The following TTLL5 variants were observed in gnomAD, a reference collection of about 807,000 sequenced individuals.
TTLL5 encodes tubulin tyrosine ligase like 5.
TTLL5 carries 132 observed loss-of-function variants against 168.4 expected under a neutral mutation model. That is an observed-to-expected ratio of 0.78 (90% confidence interval 0.68 to 0.91). The LOEUF is 0.91. Among genes scored for constraint, TTLL5 ranks in the 40% least tolerant of loss-of-function variants. TTLL5 has a pLI of 0.00. For synonymous variants in TTLL5, 546 were observed against 558.6 expected, an observed-to-expected ratio of 0.98 and a Z score of 0.32; for missense variants, 1,545 against 1,581.5, an observed-to-expected ratio of 0.98 and a Z score of 0.39.
chr14:75,919,589 A>T (rs2033750853), intron 31 of TTLL5, among the ~76,000 whole-genome samples: 1 of 151,832 alleles, frequency 6.6e-6, no homozygotes, highest in Admixed American at 6.6e-5. Flanking sequence ...AAAACAGTGA[A>T]GTTGGACCCC....
chr14:75,815,452 GTTGT>G (rs1894338483), intron 27 of TTLL5, among the ~76,000 whole-genome samples: 2 of 152,190 alleles, frequency 1.3e-5, no homozygotes, highest in South Asian at 4.1e-4. Context: ...ATCAGGAATG[GTTGT>G]TATGTGAATA....
chr14:75,713,954 AT>A (rs879749079), intron 9 of TTLL5, among the ~76,000 whole-genome samples: 292 of 145,246 alleles, frequency 2.0e-3, no homozygotes, highest in Middle Eastern at 7.1e-3. Flanking sequence ...TTGTCCTAAG[AT>A]TTTTTTTTTT....
At chr14:75,873,517 A>G (rs1015500818) in intron 29 of TTLL5, among the ~76,000 whole-genome samples, 2 of 152,182 alleles carry the variant, frequency 1.3e-5, no homozygotes, top group Non-Finnish European at 1.5e-5. Context: ...TGATTTTGTC[A>G]TTAGATTCTT....
rs751047559 is a variant in TTLL5 at position 75,681,587 on chromosome 14, G to A, written c.224G>A (p.Arg75His). The change falls in exon 4 of 32, where the codon CGC (arginine) becomes CAC (histidine). Residue 75 changes from arginine (R) to histidine (H), a missense_variant. Physicochemically the swap from Arg to His is conservative, Grantham distance 29 (BLOSUM62 0). Coordinates refer to ENST00000298832, the MANE Select transcript of TTLL5 (RefSeq NM_015072.5). ...LSYKIVRTDS[R>H]LVRSILTAHG... ...TATAAGATTGTACGAACGGACAGTC[G>A]CCTAGTACGCAGCATTCTGACAGCC... is the stretch of plus-strand genomic sequence containing the variant. 9.3e-6 allele frequency: 15 copies of A among 1,613,266 alleles called. 1 individual carries two copies. The Middle Eastern group carries it at 1.3e-3, about 142-fold the overall frequency.
Position 75,735,248 on chromosome 14 carries a change from AC to A in TTLL5, c.1242del (p.Phe415LeufsTer25), listed in dbSNP as rs1309614617. 3 of 1,614,080 alleles carry A rather than the reference AC, an allele frequency of 1.9e-6. No homozygotes were observed. The highest frequency in any genetic ancestry group is 2.5e-6 in the Non-Finnish European group (3 of 1,179,998). ...QRASTRPIYP[T>X]FESSRRNPFQ... ...GGCATCAACTCGGCCAATTTATCCC[AC>A]CTTTGAGTCTTCCAGGCGAAACCCT... On this transcript the variant is annotated frameshift_variant, in exon 15 of 32. Coordinates refer to ENST00000298832, the MANE Select transcript of TTLL5 (RefSeq NM_015072.5). LOFTEE classifies it high-confidence loss of function.
chr14:75,845,324 A>G (rs145123551), intron 28 of TTLL5, among the ~76,000 whole-genome samples: 3 of 152,334 alleles, frequency 2.0e-5, no homozygotes, highest in African/African-American at 7.2e-5. Context: ...TGTACTGGTC[A>G]AGACTGGAAT....
chr14:75,948,226 T>C lies in TTLL5; in HGVS notation c.3824-6198T>C, dbSNP rs989540952. Among the ~76,000 whole-genome samples, 25 of 152,324 alleles carry C rather than the reference T, an allele frequency of 1.6e-4. 1 individual carries two copies. Among genetic ancestry groups the C allele is most frequent in the Admixed American group, 1.4e-3 (21 of 15,304 alleles). On this transcript the variant is annotated intron_variant, in intron 31 of 31. Transcript: ENST00000298832. ...TTGGCGGGGCACAGTGGTTCACACC[T>C]GTAACCCCTGCGCTTTGGGAGGCCA...
intron 31 of TTLL5, among the ~76,000 whole-genome samples, chr14:75,947,779 C>CA (rs1199265351): frequency 6.6e-6 from 1 of 151,714 alleles, no homozygotes; most frequent in Non-Finnish European, 1.5e-5. Context: ...ACCGTCTCTC[C>CA]AAAAAAATCG....
At chr14:75,849,947 A>G (rs1896755965) in intron 28 of TTLL5, among the ~76,000 whole-genome samples, 2 of 152,070 alleles carry the variant, frequency 1.3e-5, no homozygotes, top group South Asian at 4.2e-4. Flanking sequence ...TCTAACAAAA[A>G]TACAAGAAAT....
In TTLL5 at chr14:75,863,754, G is replaced by C. The variant is rs1055409363; in HGVS notation, c.3414G>C (p.Lys1138Asn). The part of the protein sequence containing the change: ...SQATGVVPQH[K>N]YHPTAGSYQL... ...CTACAGGGGTGGTCCCCCAGCACAAGTATCACCCCACAGCAGGCAGCTATC... is the reference window on the plus strand; with the variant it reads ...CTACAGGGGTGGTCCCCCAGCACAACTATCACCCCACAGCAGGCAGCTATC... The change falls in exon 29 of 32, where the codon AAG becomes AAC. Residue 1138 changes from lysine to asparagine, a missense_variant. Transcript: ENST00000298832. 9.9e-6 allele frequency: 16 copies of C among 1,613,636 alleles called. No homozygotes were observed. The highest frequency in any genetic ancestry group is 1.3e-5 in the Non-Finnish European group (15 of 1,179,928).
intron 9 of TTLL5, chr14:75,712,280 A>G (rs1239389393): frequency 2.0e-5 from 3 of 151,878 alleles, no homozygotes; most frequent in Non-Finnish European, 4.4e-5. Context: ...TTCATTGTCC[A>G]GGCCTCTCTG....
At chr14:75,936,239 G>A (rs533442650) in intron 31 of TTLL5, among the ~76,000 whole-genome samples, 4 of 151,984 alleles carry the variant, frequency 2.6e-5, no homozygotes, top group Non-Finnish European at 4.4e-5. Flanking sequence ...CCTTCTTTGG[G>A]TTTTCTTTAG....
chr14:75,669,757 A>G (rs150763535), intron 3 of TTLL5, among the ~76,000 whole-genome samples: 38 of 152,070 alleles, frequency 2.5e-4, no homozygotes, highest in African/African-American at 9.2e-4. Context: ...GTGGTAAAAT[A>G]CACCTAACAA....
At chr14:75,892,408 A>G (rs2032443937) in intron 30 of TTLL5, among the ~76,000 whole-genome samples, 1 of 152,214 alleles carries the variant, frequency 6.6e-6, no homozygotes, top group Non-Finnish European at 1.5e-5. Context: ...CCTGTGTCAT[A>G]TTGGGAGCTG....
chr14:75,673,273 T>C (rs1883885074), intron 3 of TTLL5, among the ~76,000 whole-genome samples: 2 of 152,246 alleles, frequency 1.3e-5, no homozygotes, highest in African/African-American at 2.4e-5. Context: ...AAAGACCCAA[T>C]TTTAAAATTC....
chr14:75,900,546 G>T (rs1033322067), intron 30 of TTLL5, among the ~76,000 whole-genome samples: 1 of 152,146 alleles, frequency 6.6e-6, no homozygotes, highest in Non-Finnish European at 1.5e-5. Context: ...CTGGAAAGCT[G>T]TGTGATTAAC....
rs199925706 is a variant in TTLL5 at position 75,700,924 on chromosome 14, CA to C, written c.585+1655del. Among the ~76,000 whole-genome samples the C allele has an allele frequency of 6.1e-3, 934 of 152,092 alleles. 8 individuals carry two copies. Among genetic ancestry groups the C allele is most frequent in the African/African-American group, 0.021 (887 of 41,468 alleles). The stretch of plus-strand genomic sequence containing the variant: ...TTTATTCTTCCTCCTGGATATTTGG[CA>C]GGCATTTTCAGTCTGGAAACTGGTG... On this transcript the variant is annotated intron_variant, in intron 7 of 31. Transcript: ENST00000298832.
At chr14:75,699,037 A>G in intron 6 of TTLL5, 151 bp from the exon 7 acceptor site, 1 of 651,360 alleles carries the variant, frequency 1.5e-6, no homozygotes, top group South Asian at 1.8e-5. Context: ...CCAAAAATAC[A>G]GGTAATTTTA....
chr14:75,694,243 A>C (rs1277398219), intron 6 of TTLL5, among the ~76,000 whole-genome samples: 2 of 152,226 alleles, frequency 1.3e-5, no homozygotes, highest in East Asian at 1.9e-4. Context: ...AAATATCACA[A>C]ATCAAGGAGA....
Sources: allele counts gnomAD v4.1 joint callset (sites outside exome capture counted in the v4.1 genomes callset), GRCh38; gene constraint gnomAD v4.1.1; transcripts MANE v1.5; gene names NCBI Gene and HGNC (gene_info 2026-07-23, HGNC 2026-07-21).